The following CSMD3 variants were observed in gnomAD, a reference collection of about 807,000 sequenced individuals.
CSMD3 encodes CUB and sushi domain-containing protein 3.
Under a neutral mutation model 435.2 loss-of-function variants are expected in CSMD3, and 177 were observed. That is an observed-to-expected ratio of 0.41 (90% confidence interval 0.36 to 0.46). The LOEUF is 0.46. Among genes scored for constraint, CSMD3 ranks in the 20% least tolerant of loss-of-function variants. CSMD3 has a pLI of 0.34. For missense variants in CSMD3, 4,265 were observed against 4,504.6 expected (o/e 0.95, Z 1.52); for synonymous variants, 1,656 against 1,520.5 (o/e 1.09, Z -2.07).
intron 16 of CSMD3, among the ~76,000 whole-genome samples, chr8:112,673,655 T>A (rs1215540860): frequency 6.6e-6 from 1 of 152,152 alleles, no homozygotes; most frequent in Non-Finnish European, 1.5e-5. Context: ...TGAATGAGAA[T>A]GGCTTCCTTT....
chr8:112,290,273 C>T (rs935109814), intron 56 of CSMD3, among the ~76,000 whole-genome samples: 1 of 151,952 alleles, frequency 6.6e-6, no homozygotes, highest in African/African-American at 2.4e-5. Context: ...GAGTATCATA[C>T]AGCACATGAG....
At chr8:112,881,315 A>T (rs2081442356) in intron 10 of CSMD3, among the ~76,000 whole-genome samples, 1 of 152,074 alleles carries the variant, frequency 6.6e-6, no homozygotes, top group Non-Finnish European at 1.5e-5. Flanking sequence ...TTTTATTTTT[A>T]AACGAATTAA....
intron 6 of CSMD3, among the ~76,000 whole-genome samples, chr8:113,008,613 T>C (rs1037441359): frequency 6.6e-6 from 1 of 151,658 alleles, no homozygotes; most frequent in Non-Finnish European, 1.5e-5. Flanking sequence ...TACACACAAC[T>C]TTATTGTTTT....
At position 112,780,910 on chromosome 8, in the gene CSMD3, G is replaced by A. The variant is rs1051334440; in HGVS notation, c.1972+19252C>T. On this transcript the variant is annotated intron_variant, in intron 13 of 70. Transcript: ENST00000297405. ...TAAGCCATGAGGACTGGAATTCCTT[G>A]ACAAATCCTGGTGCTGTGCTGGGCT... is the stretch of plus-strand genomic sequence containing the variant. 1.8e-4 allele frequency among the ~76,000 whole-genome samples: 28 copies of A among 152,030 alleles called. 1 individual carries two copies. The highest frequency in any genetic ancestry group is 6.6e-4 in the Admixed American group (10 of 15,260).
chr8:112,466,807 TAC>T (rs58281979), intron 32 of CSMD3, among the ~76,000 whole-genome samples: 2,641 of 152,240 alleles, frequency 0.017, 76 homozygotes, highest in African/African-American at 0.06. Context: ...CAAAATAAAA[TAC>T]ATTTAGTGAA....
At chr8:112,782,490 G>A (rs959196177) in intron 13 of CSMD3, among the ~76,000 whole-genome samples, 1 of 152,048 alleles carries the variant, frequency 6.6e-6, no homozygotes, top group Non-Finnish European at 1.5e-5. Context: ...TGCCTTTAAA[G>A]AGGAGGTAGA....
At chr8:113,222,284 C>T (rs1261244933) in intron 3 of CSMD3, among the ~76,000 whole-genome samples, 1 of 151,002 alleles carries the variant, frequency 6.6e-6, no homozygotes, top group Admixed American at 6.6e-5. Context: ...ATTATATTCA[C>T]TAATCAGTAA....
chr8:113,016,178 G>A (rs1328937074), intron 6 of CSMD3, among the ~76,000 whole-genome samples: 1 of 151,666 alleles, frequency 6.6e-6, no homozygotes, highest in African/African-American at 2.4e-5. Flanking sequence ...TTAAATACGA[G>A]TGGGCATATT....
At chr8:113,387,822 T>C (rs1206227108) in intron 1 of CSMD3, among the ~76,000 whole-genome samples, 2 of 151,750 alleles carry the variant, frequency 1.3e-5, no homozygotes, top group African/African-American at 4.8e-5. Flanking sequence ...CATGTAGTTC[T>C]TACTAAGTGT....
chr8:112,811,164 CAGAGA>C (rs34224716), intron 12 of CSMD3, among the ~76,000 whole-genome samples: 78,981 of 151,262 alleles, frequency 0.52, 21,087 homozygotes, highest in East Asian at 0.76. Flanking sequence ...GCAAACTGCC[CAGAGA>C]AGAGTAGAAA....
chr8:113,393,567 C>T (rs190658435), intron 1 of CSMD3, among the ~76,000 whole-genome samples: 4 of 152,048 alleles, frequency 2.6e-5, no homozygotes, highest in Admixed American at 2.0e-4. Flanking sequence ...AATGGACAAA[C>T]GGTGCTACTA....
chr8:113,306,981 GA>G (rs200870971), intron 2 of CSMD3, among the ~76,000 whole-genome samples: 2,795 of 148,328 alleles, frequency 0.019, 86 homozygotes, highest in African/African-American at 0.065. Flanking sequence ...AACGTATCAA[GA>G]AAAAAAAATA....
Position 112,638,858 on chromosome 8 carries a change from G to A in CSMD3, c.3364C>T (p.Leu1122=), listed in dbSNP as rs1008800061. ...GTAAAACTGCCATTCTCTGTGATCA[G>A]TAAGTAGTCATGATGGTCTTCCAAA... ...FHLEDHHDYL[L]ITENGSFTQP... The change falls in exon 21 of 71, where the codon CTG becomes TTG. Residue 1122 remains leucine, a synonymous_variant. Coordinates refer to ENST00000297405, the MANE Select transcript of CSMD3 (RefSeq NM_198123.2). 4 of 1,613,382 alleles carry A rather than the reference G, an allele frequency of 2.5e-6. No individual in the cohort carries two copies. Among genetic ancestry groups the A allele is most frequent in the Non-Finnish European group, 3.4e-6 (4 of 1,179,560 alleles).
chr8:112,244,345 G>A lies in CSMD3; in HGVS notation c.10402+49C>T, dbSNP rs768173873. The A allele has an allele frequency of 1.8e-5, 27 of 1,465,798 alleles. No homozygotes were observed. The South Asian group carries it at 2.8e-4, about 15-fold the overall frequency. The allele number at this position is 1,465,798 out of a possible 1,614,324, so 90.8% of individuals were successfully genotyped here. On this transcript the variant is annotated intron_variant, in intron 65 of 70. Coordinates refer to ENST00000297405, the MANE Select transcript of CSMD3 (RefSeq NM_198123.2). ...GAGTTTTTGTCTGGAGCAAAGGAAA[G>A]CAATAGTGCAATCTCTTGTGTTAAA...
intron 12 of CSMD3, among the ~76,000 whole-genome samples, chr8:112,815,024 A>C (rs1386812941): frequency 6.6e-6 from 1 of 152,134 alleles, no homozygotes; most frequent in East Asian, 1.9e-4. Context: ...CAATGTTATA[A>C]AAAGTAATGT....
intron 10 of CSMD3, among the ~76,000 whole-genome samples, chr8:112,876,718 C>G (rs1049082466): frequency 6.6e-6 from 1 of 152,150 alleles, no homozygotes; most frequent in Non-Finnish European, 1.5e-5. Flanking sequence ...TGCCCTCTCT[C>G]ACTACTCGTA....
intron 47 of CSMD3, among the ~76,000 whole-genome samples, chr8:112,318,240 C>T (rs1398931298): frequency 6.6e-6 from 1 of 151,870 alleles, no homozygotes; most frequent in Non-Finnish European, 1.5e-5. Flanking sequence ...GGAAACAATG[C>T]TTCCATCAAG....
chr8:113,223,195 C>A (rs2092989732), intron 3 of CSMD3, among the ~76,000 whole-genome samples: 1 of 150,336 alleles, frequency 6.7e-6, no homozygotes, highest in Non-Finnish European at 1.5e-5. Flanking sequence ...AAATATAGCT[C>A]ATTTTAATAT....
intron 2 of CSMD3, among the ~76,000 whole-genome samples, chr8:113,284,360 C>T (rs1214953989): frequency 1.3e-5 from 2 of 152,050 alleles, no homozygotes; most frequent in African/African-American, 4.8e-5. Flanking sequence ...ATATCGATGC[C>T]ATCTTAACAA....
Sources: gnomAD v4.1 joint callset for allele counts (sites outside exome capture counted in the v4.1 genomes callset) on GRCh38, gnomAD v4.1.1 for gene constraint, MANE v1.5 for transcripts, NCBI Gene and HGNC (gene_info 2026-07-23, HGNC 2026-07-21) for gene names.